Variants in LYPD6 observed in about 807,000 individuals in gnomAD.
LYPD6 encodes LY6/PLAUR domain containing 6.
In LYPD6, 15 loss-of-function variants were observed where a neutral mutation model predicts 22.7. That is an observed-to-expected ratio of 0.66 (90% CI 0.44 to 1.02). The LOEUF (loss-of-function observed/expected upper bound fraction) is 1.02, where lower values mean the gene tolerates loss of function less well. Ranked by LOEUF, LYPD6 falls within the 50% of genes least tolerant of loss-of-function variation. LYPD6 has a pLI of 0.00. For synonymous variants in LYPD6, 72 were observed against 77.5 expected (o/e 0.93, Z 0.37); for missense variants, 189 against 208.4 (o/e 0.91, Z 0.57).
intron 1 of LYPD6, among the ~76,000 whole-genome samples, chr2:149,383,853 C>A (rs1259237992): frequency 6.6e-6 from 1 of 152,214 alleles, no homozygotes; most frequent in Non-Finnish European, 1.5e-5. Context: ...CCTCTTTCTT[C>A]ACCTATAAAA....
At chr2:149,438,772 G>C (rs1683491514) in intron 2 of LYPD6, among the ~76,000 whole-genome samples, 1 of 152,236 alleles carries the variant, frequency 6.6e-6, no homozygotes, top group South Asian at 2.1e-4. Context: ...TTTAATGTCT[G>C]CTTGTTCTGG....
chr2:149,444,469 A>G (rs183200352), intron 2 of LYPD6, among the ~76,000 whole-genome samples: 1 of 152,338 alleles, frequency 6.6e-6, no homozygotes, highest in East Asian at 1.9e-4. Flanking sequence ...AAGATTTCTC[A>G]GTAGCATGTG....
At chr2:149,383,734 C>A (rs753400689) in intron 1 of LYPD6, among the ~76,000 whole-genome samples, 78 of 152,096 alleles carry the variant, frequency 5.1e-4, no homozygotes, top group Non-Finnish European at 1.9e-4. Flanking sequence ...AGCATTGGTC[C>A]ATTTGCTTTT....
chr2:149,481,185 A>G, the LYPD6 span, among the ~76,000 whole-genome samples: 2 of 152,224 alleles, frequency 1.3e-5, no homozygotes, highest in Admixed American at 1.3e-4. Flanking sequence ...GACCCATAAA[A>G]TGAGGAAGAA....
At chr2:149,345,199 G>A (rs908625428) in intron 1 of LYPD6, among the ~76,000 whole-genome samples, 6 of 152,056 alleles carry the variant, frequency 3.9e-5, no homozygotes, top group African/African-American at 1.5e-4. Context: ...TTCTCTGAAA[G>A]TAAAATGATC....
At chr2:149,453,529 T>G (rs1299411321) in intron 3 of LYPD6, among the ~76,000 whole-genome samples, 1 of 152,238 alleles carries the variant, frequency 6.6e-6, no homozygotes, top group African/African-American at 2.4e-5. Context: ...ATTATTGAGT[T>G]AGAGGACACA....
intron 2 of LYPD6, among the ~76,000 whole-genome samples, chr2:149,443,429 C>T (rs1256851821): frequency 6.6e-6 from 1 of 152,148 alleles, no homozygotes; most frequent in Non-Finnish European, 1.5e-5. Context: ...AGCTTGCAGC[C>T]ATAAACCTTG....
chr2:149,409,493 G>C lies in LYPD6; in HGVS notation c.-71-28145G>C, dbSNP rs187513432. On this transcript the variant is annotated intron_variant, in intron 1 of 4. Coordinates refer to ENST00000334166, the MANE Select transcript of LYPD6 (RefSeq NM_194317.5). Reference sequence around the variant, plus strand: ...AGCATTCAGGTTTCTCAGGTGGTGAGCAGGGCCATAGAACTCCCAAGAGAT... The same window carrying C: ...AGCATTCAGGTTTCTCAGGTGGTGACCAGGGCCATAGAACTCCCAAGAGAT... Among the ~76,000 whole-genome samples, 20 of 152,310 alleles carry C rather than the reference G, an allele frequency of 1.3e-4. No individual in the cohort carries two copies. The East Asian group carries it at 3.9e-3, about 29-fold the overall frequency.
At chr2:149,391,949 C>T (rs944809244) in intron 1 of LYPD6, among the ~76,000 whole-genome samples, 1 of 152,140 alleles carries the variant, frequency 6.6e-6, no homozygotes, top group Non-Finnish European at 1.5e-5. Context: ...GCTGCCATAA[C>T]GAAATACCAC....
At chr2:149,410,208 A>T (rs2105121172) in intron 1 of LYPD6, among the ~76,000 whole-genome samples, 1 of 152,316 alleles carries the variant, frequency 6.6e-6, no homozygotes, top group South Asian at 2.1e-4. Context: ...AATTTTTATA[A>T]AAATTCCTTT....
At chr2:149,461,162 T>C (rs1351684801) in intron 3 of LYPD6, among the ~76,000 whole-genome samples, 2 of 151,926 alleles carry the variant, frequency 1.3e-5, no homozygotes, top group East Asian at 3.9e-4. Context: ...AGAATACATA[T>C]ACTAAAACAT....
intron 1 of LYPD6, among the ~76,000 whole-genome samples, chr2:149,351,392 T>TAAAAAAAAAAA (rs71397025): frequency 6.0e-5 from 5 of 83,114 alleles, no homozygotes; most frequent in Non-Finnish European, 1.1e-4. Flanking sequence ...AGACTCCATC[T>TAAAAAAAAAAA]AAAAAAAAAA....
rs1196667 is a variant in LYPD6, at chr2:149,473,292, T to C, written c.*2442T>C. 0.9 allele frequency: 137,577 copies of C among 152,636 alleles called. 61,998 individuals are homozygous for C. Among genetic ancestry groups the C allele is most frequent in the East Asian group, 1 (5,132 of 5,156 alleles). The allele number at this position is 152,636 out of a possible 1,614,324, so 9.5% of individuals were successfully genotyped here. ...GACTCTGCATAGATGTTGCTGCATG[T>C]GTCCCATGTGCCTGTCAGAATGGCA... On this transcript the variant is annotated 3_prime_UTR_variant, in exon 5 of 5. Coordinates refer to ENST00000334166, the MANE Select transcript of LYPD6 (RefSeq NM_194317.5).
chr2:149,419,933 A>G (rs1429783341), intron 1 of LYPD6, among the ~76,000 whole-genome samples: 1 of 152,186 alleles, frequency 6.6e-6, no homozygotes, highest in Non-Finnish European at 1.5e-5. Context: ...TGATATTGGA[A>G]CTATGTTATT....
chr2:149,427,824 G>A (rs887106258), intron 1 of LYPD6, among the ~76,000 whole-genome samples: 1 of 152,122 alleles, frequency 6.6e-6, no homozygotes, highest in African/African-American at 2.4e-5. Flanking sequence ...GCGTATCCTC[G>A]TTGTTAAATG....
intron 2 of LYPD6, 65 bp from the exon 3 acceptor site, chr2:149,448,984 C>A: frequency 1.6e-6 from 2 of 1,235,096 alleles, no homozygotes; most frequent in Non-Finnish European, 2.3e-6. Context: ...ATGAAAATGT[C>A]TTAACTTCAC....
At chr2:149,483,243 G>A in the LYPD6 span, among the ~76,000 whole-genome samples, 1,423 of 152,302 alleles carry the variant, frequency 9.3e-3, 26 homozygotes, top group African/African-American at 0.032. Flanking sequence ...GAAAACCTTT[G>A]ACCAGGGAAC....
At chr2:149,365,094 TTCA>T (rs1681635805) in intron 1 of LYPD6, among the ~76,000 whole-genome samples, 1 of 152,182 alleles carries the variant, frequency 6.6e-6, no homozygotes. Context: ...GAACAGCCCC[TTCA>T]TCACTCTAAC....
downstream of LYPD6, among the ~76,000 whole-genome samples, chr2:149,476,309 A>AT (rs1422538150): frequency 6.6e-6 from 1 of 152,160 alleles, no homozygotes; most frequent in Non-Finnish European, 1.5e-5. Flanking sequence ...ATGGAAACAG[A>AT]TTTTTCATTC....
Sources: gnomAD v4.1 joint callset for allele counts (sites outside exome capture counted in the v4.1 genomes callset) on GRCh38, gnomAD v4.1.1 for gene constraint, MANE v1.5 for transcripts, NCBI Gene and HGNC (gene_info 2026-07-23, HGNC 2026-07-21) for gene names.